The following PEMT variants were observed in gnomAD, a reference collection of about 807,000 sequenced individuals.
PEMT encodes phospholipid methyltransferase.
In PEMT, 23 loss-of-function variants were observed where a neutral mutation model predicts 27.4. The ratio of observed to expected loss-of-function variants is 0.84; its 90% CI spans 0.60 to 1.19. The LOEUF is 1.19. Among genes scored for constraint, PEMT ranks in the 50% most tolerant of loss-of-function variants. The pLI is 0.00. For synonymous variants in PEMT, 137 were observed against 139.1 expected, an observed-to-expected ratio of 0.98 and a Z score of 0.11; for missense variants, 307 against 310.1, an observed-to-expected ratio of 0.99 and a Z score of 0.07.
intron 2 of PEMT, among the ~76,000 whole-genome samples, chr17:17,552,271 C>T (rs1909707176): frequency 2.6e-5 from 4 of 152,074 alleles, no homozygotes; most frequent in South Asian, 4.2e-4. Context: ...GAGATCTCAC[C>T]ACTGCACTCC....
intron 2 of PEMT, among the ~76,000 whole-genome samples, chr17:17,568,135 C>T (rs1299975566): frequency 6.6e-6 from 1 of 152,220 alleles, no homozygotes; most frequent in Non-Finnish European, 1.5e-5. Context: ...TCCTCCCTCA[C>T]AAGCCCCAGG....
At chr17:17,547,502 G>T (rs1051148102) in intron 2 of PEMT, among the ~76,000 whole-genome samples, 1 of 152,246 alleles carries the variant, frequency 6.6e-6, no homozygotes, top group African/African-American at 2.4e-5. Flanking sequence ...ACACTGTGGC[G>T]TGCAGGATGA....
chr17:17,567,929 G>A (rs1910940657), intron 2 of PEMT, among the ~76,000 whole-genome samples: 2 of 152,224 alleles, frequency 1.3e-5, no homozygotes, highest in African/African-American at 4.8e-5. Flanking sequence ...GAGCCCACTG[G>A]ATATGCGGCC....
chr17:17,582,735 A>G lies in PEMT; in HGVS notation c.97-5708T>C, dbSNP rs1001501936. ...AGAGCCCTGTGCCTGGCACAAAGAC[A>G]TAAGGATGAGTGTGCCAGAGTCTTT... On this transcript the variant is annotated intron_variant, in intron 1 of 6. Coordinates refer to ENST00000255389, the MANE Select transcript of PEMT (RefSeq NM_148172.3). The surrounding 1 kb of genome is among the most constrained non-coding windows in gnomAD (Gnocchi z 4.9). 6.6e-6 allele frequency among the ~76,000 whole-genome samples: 1 copy of G among 152,214 alleles called. No individual in the cohort carries two copies. Among genetic ancestry groups the G allele is most frequent in the Non-Finnish European group, 1.5e-5 (1 of 68,050 alleles).
intron 2 of PEMT, among the ~76,000 whole-genome samples, chr17:17,553,984 T>C: frequency 6.6e-6 from 1 of 152,150 alleles, no homozygotes; most frequent in Non-Finnish European, 1.5e-5. Flanking sequence ...GGGGCTCCTC[T>C]GGGCAGGAGG....
intron 2 of PEMT, among the ~76,000 whole-genome samples, chr17:17,552,833 A>G (rs536565648): frequency 5.4e-4 from 82 of 152,336 alleles, no homozygotes; most frequent in Non-Finnish European, 1.0e-3. Context: ...CAGCGCTGAC[A>G]GTGAAGAGGT....
At chr17:17,546,660 G>A (rs544522226) in intron 2 of PEMT, among the ~76,000 whole-genome samples, 2 of 152,190 alleles carry the variant, frequency 1.3e-5, no homozygotes, top group African/African-American at 2.4e-5. Context: ...GCCTTCGTCC[G>A]ACCCTGGGGA....
intron 2 of PEMT, among the ~76,000 whole-genome samples, chr17:17,576,521 G>T (rs1024387649): frequency 1.3e-5 from 2 of 152,238 alleles, no homozygotes; most frequent in African/African-American, 4.8e-5. Flanking sequence ...CAAGCAAGTG[G>T]CTTTACTGTG....
chr17:17,515,278 T>C (rs1282092783), intron 3 of PEMT, among the ~76,000 whole-genome samples: 1 of 152,168 alleles, frequency 6.6e-6, no homozygotes, highest in African/African-American at 2.4e-5. Flanking sequence ...AAAGCCCAGC[T>C]CATTCAGGGC....
At chr17:17,589,272 A>ATTTTTT (rs573309051) in intron 1 of PEMT, among the ~76,000 whole-genome samples, 1 of 138,498 alleles carries the variant, frequency 7.2e-6, no homozygotes, top group Non-Finnish European at 1.6e-5. Context: ...CCAACAGCTG[A>ATTTTTT]TTTTTTTTTT....
chr17:17,528,646 G>C (rs1463932702), intron 2 of PEMT, among the ~76,000 whole-genome samples: 2 of 152,200 alleles, frequency 1.3e-5, no homozygotes, highest in Admixed American at 6.5e-5. Flanking sequence ...CAGGGAGTCT[G>C]CCCATGACTC....
intron 2 of PEMT, chr17:17,570,909 C>T (rs1489292389): frequency 1.0e-6 from 1 of 985,038 alleles, no homozygotes; most frequent in Admixed American, 6.1e-5. Context: ...TGGACCACTG[C>T]CCTGGCATCT....
intron 2 of PEMT, among the ~76,000 whole-genome samples, chr17:17,572,991 C>A (rs778150811): frequency 2.7e-5 from 4 of 150,344 alleles, no homozygotes; most frequent in African/African-American, 9.8e-5. Context: ...GAGTTCGACA[C>A]CAGCCTTGCC....
chr17:17,577,498 C>A (rs1354293578), intron 1 of PEMT: 9 of 1,013,628 alleles, frequency 8.9e-6, no homozygotes, highest in African/African-American at 1.7e-5. Context: ...TGAGTGCACA[C>A]GAGGGTGTGA....
chr17:17,520,438 G>A (rs70963014), intron 3 of PEMT, among the ~76,000 whole-genome samples: 415 of 152,322 alleles, frequency 2.7e-3, no homozygotes, highest in Non-Finnish European at 4.5e-3. Flanking sequence ...GCTGGTCAGC[G>A]CTTCATGAGC....
chr17:17,556,156 C>G (rs983005615), intron 2 of PEMT, among the ~76,000 whole-genome samples: 9 of 152,310 alleles, frequency 5.9e-5, no homozygotes, highest in African/African-American at 1.7e-4. Flanking sequence ...AGACCATGAG[C>G]TCCAGAGAAC....
intron 2 of PEMT, chr17:17,570,877 A>T: frequency 1.0e-6 from 1 of 985,390 alleles, no homozygotes; most frequent in South Asian, 4.7e-5. Context: ...GCAGGTGAGA[A>T]GAGGGAGTCC....
At chr17:17,589,861 G>C (rs1567763294) in intron 1 of PEMT, among the ~76,000 whole-genome samples, 1 of 152,226 alleles carries the variant, frequency 6.6e-6, no homozygotes, top group Non-Finnish European at 1.5e-5. Flanking sequence ...TAGTCAACAA[G>C]GGTCACCCTG....
At chr17:17,558,633 A>C (rs1910237078) in intron 2 of PEMT, among the ~76,000 whole-genome samples, 1 of 149,102 alleles carries the variant, frequency 6.7e-6, no homozygotes, top group Non-Finnish European at 1.5e-5. Flanking sequence ...CAGTGAGCAG[A>C]GATGGCGCTA....
Sources: gnomAD v4.1 joint callset for allele counts (sites outside exome capture counted in the v4.1 genomes callset) on GRCh38, gnomAD v4.1.1 for gene constraint, Gnocchi (gnomAD v3.1) non-coding constraint, MANE v1.5 for transcripts, NCBI Gene and HGNC (gene_info 2026-07-23, HGNC 2026-07-21) for gene names.